Variants in SEC14L6 observed in about 807,000 individuals in gnomAD.
SEC14L6 encodes SEC14-like protein 6.
SEC14L6 carries 40 observed loss-of-function variants against 54.1 expected under a neutral mutation model. The observed-to-expected ratio is 0.74, with a 90% CI of 0.57 to 0.96. The LOEUF (loss-of-function observed/expected upper bound fraction) is 0.96, where lower values mean the gene tolerates loss of function less well. SEC14L6 is among the 40% of genes least tolerant of loss of function. The pLI, the probability that SEC14L6 is intolerant of heterozygous loss-of-function variation, is 0.00. For missense variants in SEC14L6, 471 were observed against 498.3 expected, an observed-to-expected ratio of 0.95 and a Z score of 0.52; for synonymous variants, 171 against 198.4, an observed-to-expected ratio of 0.86 and a Z score of 1.16.
At chr22:30,543,959 C>T (rs1481538729) in intron 1 of SEC14L6, 55 of 1,605,860 alleles carry the variant, frequency 3.4e-5, no homozygotes, top group Non-Finnish European at 4.2e-5. Flanking sequence ...CAGCCTGCGT[C>T]GGAGGACACC....
Position 30,533,978 on chromosome 22 carries a change from G to C in SEC14L6, c.174+18C>G. The stretch of plus-strand genomic sequence containing the variant: ...AGGAAACAGGACCAGGCTAGGCAGG[G>C]GGAGGTGTCAACCTCACCTTCCTCA... On this transcript the variant is annotated intron_variant, in intron 3 of 11. Coordinates refer to ENST00000402034, the MANE Select transcript of SEC14L6 (RefSeq NM_001193336.4). 6.5e-7 allele frequency: 1 copy of C among 1,549,734 alleles called. No individual in the cohort carries two copies. The highest frequency in any genetic ancestry group is 8.7e-7 in the Non-Finnish European group (1 of 1,146,160).
At chr22:30,526,226 G>A (rs114979914) in intron 8 of SEC14L6, among the ~76,000 whole-genome samples, 1,944 of 152,312 alleles carry the variant, frequency 0.013, 32 homozygotes, top group African/African-American at 0.043. Context: ...CATTGGCCAC[G>A]TTCATAGGAA....
chr22:30,532,105 C>A, intron 5 of SEC14L6, 107 bp from the exon 6 acceptor site: 1 of 1,466,344 alleles, frequency 6.8e-7, no homozygotes, highest in South Asian at 1.4e-5. Context: ...TGTCTCAGCT[C>A]TGCATGGCAC....
intron 1 of SEC14L6, among the ~76,000 whole-genome samples, chr22:30,539,935 G>A (rs1193910510): frequency 1.3e-5 from 2 of 152,200 alleles, no homozygotes; most frequent in African/African-American, 4.8e-5. Context: ...ATTGACTGTA[G>A]GCTAAAGCCA....
chr22:30,524,974 G>A lies in SEC14L6; in HGVS notation c.*23C>T, dbSNP rs1202151423. The A allele has an allele frequency of 3.4e-6, 4 of 1,168,788 alleles. No homozygotes were observed. Among genetic ancestry groups the A allele is most frequent in the Non-Finnish European group, 5.0e-6 (4 of 798,400 alleles). 72.4% of individuals were successfully genotyped at this position (1,168,788 alleles called of 1,614,324 possible). On this transcript the variant is annotated 3_prime_UTR_variant, in exon 12 of 12. Transcript: ENST00000402034. ...TGTGGATTCAGAGATCAAAGAGGAG[G>A]GTGTGGGGACCATGAGGTTCACCTA...
At chr22:30,544,172 C>A in intron 1 of SEC14L6, 3 of 954,762 alleles carry the variant, frequency 3.1e-6, no homozygotes, top group Non-Finnish European at 4.7e-6. Context: ...AGCCCAGTTC[C>A]CGGAGGGCTG....
chr22:30,538,868 A>C lies in SEC14L6; in HGVS notation c.89T>G (p.Leu30Arg). The C allele has an allele frequency of 6.4e-7, 1 of 1,556,818 alleles. No homozygotes were observed. Among genetic ancestry groups the C allele is most frequent in the Non-Finnish European group, 8.7e-7 (1 of 1,149,656 alleles). ...GAGGAAGTAGTCATCAGGATTGGGC[A>C]GCGCAGATAGCACATCTTGGATGTT... The part of the protein sequence containing the change: ...RENIQDVLSA[L>R]PNPDDYFLLR... Residue 30 changes from leucine (L) to arginine (R), a missense_variant, in exon 2 of 12, where the codon CTG (leucine) becomes CGG (arginine). By Grantham distance (102) the Leu-to-Arg change is moderately radical. Coordinates refer to ENST00000402034, the MANE Select transcript of SEC14L6 (RefSeq NM_001193336.4).
Position 30,532,920 on chromosome 22 carries a change from G to A in SEC14L6, c.175-64C>T, listed in dbSNP as rs958109824. 3.2e-6 allele frequency: 5 copies of A among 1,581,810 alleles called. No individual in the cohort carries two copies. In the East Asian group the frequency reaches 6.9e-5, roughly 22 times the overall value. Reference sequence around the variant, plus strand: ...GTCCCAAAGACCTCTGTGGATACCTGGGGACACCAGGCCAGGTCCCTCTGC... The same window carrying A: ...GTCCCAAAGACCTCTGTGGATACCTAGGGACACCAGGCCAGGTCCCTCTGC... On this transcript the variant is annotated intron_variant, in intron 3 of 11. Transcript: ENST00000402034.
chr22:30,530,504 G>C (rs958083585), intron 6 of SEC14L6, among the ~76,000 whole-genome samples: 1 of 152,136 alleles, frequency 6.6e-6, no homozygotes, highest in African/African-American at 2.4e-5. Context: ...GGGCTCAAAC[G>C]ATCATCCCAC....
At chr22:30,527,362 C>T (rs981684969) in intron 8 of SEC14L6, among the ~76,000 whole-genome samples, 14 of 151,920 alleles carry the variant, frequency 9.2e-5, no homozygotes, top group Non-Finnish European at 1.5e-4. Context: ...TGTCCAACCT[C>T]ACGAGTAATA....
chr22:30,530,320 G>C (rs1218063395), intron 6 of SEC14L6, among the ~76,000 whole-genome samples: 1 of 152,166 alleles, frequency 6.6e-6, no homozygotes, highest in Non-Finnish European at 1.5e-5. Flanking sequence ...TGAGGCAGGA[G>C]CATCACTTGA....
Position 30,525,086 on chromosome 22 carries a change from A to C in SEC14L6, c.1105T>G (p.Tyr369Asp). The C allele has an allele frequency of 3.9e-6, 6 of 1,549,036 alleles. No homozygotes were observed. Among genetic ancestry groups the C allele is most frequent in the Non-Finnish European group, 5.2e-6 (6 of 1,145,582 alleles). Residue 369 changes from tyrosine to aspartate, a missense_variant, in exon 12 of 12, where the codon TAC (tyrosine) becomes GAC (aspartate). Transcript: ENST00000402034. ...ATGCGTTTAGAATGAACCAGGCTGTAGGTGTTGTAAAACCTCAGGACATCT... is the reference window on the plus strand; with the variant it reads ...ATGCGTTTAGAATGAACCAGGCTGTCGGTGTTGTAAAACCTCAGGACATCT... ...GSYVLRFYNT[Y>D]SLVHSKRISY...
chr22:30,544,633 C>G (rs2085780124), intron 1 of SEC14L6, among the ~76,000 whole-genome samples: 1 of 152,160 alleles, frequency 6.6e-6, no homozygotes. Flanking sequence ...TCCCCCATCC[C>G]TAGGCTAAAG....
At chr22:30,542,910 A>G in intron 1 of SEC14L6, 4 of 1,601,488 alleles carry the variant, frequency 2.5e-6, no homozygotes, top group East Asian at 4.5e-5. Flanking sequence ...ACATCACCCC[A>G]GCAGATGCCG....
rs188963632 is a variant in SEC14L6 at position 30,543,751 on chromosome 22, C to T, written c.54+2878G>A. 44 of 1,573,410 alleles carry T rather than the reference C, an allele frequency of 2.8e-5. No individual in the cohort carries two copies. In the East Asian group the frequency reaches 4.9e-4, roughly 18 times the overall value. On this transcript the variant is annotated intron_variant, in intron 1 of 11. Coordinates refer to ENST00000402034, the MANE Select transcript of SEC14L6 (RefSeq NM_001193336.4). ...ACTGATGGAGGCTCTCTACCTCGTCCGAATCAGACAGAAGAAAGCCCAGGG... is the reference window on the plus strand; with the variant it reads ...ACTGATGGAGGCTCTCTACCTCGTCTGAATCAGACAGAAGAAAGCCCAGGG...
intron 2 of SEC14L6, 68 bp from the exon 3 acceptor site, chr22:30,534,107 C>A: frequency 6.9e-7 from 1 of 1,453,092 alleles, no homozygotes; most frequent in Non-Finnish European, 9.4e-7. Context: ...GGAGAGACAA[C>A]GGCCCTGCCC....
chr22:30,525,231 C>G, intron 11 of SEC14L6, 119 bp downstream of exon 11: 1 of 1,360,560 alleles, frequency 7.3e-7, no homozygotes, highest in South Asian at 1.3e-5. Flanking sequence ...AGCCCAGAGC[C>G]AGCCTCACAC....
rs370202016 is a variant in SEC14L6, at chr22:30,531,892, G to A, written c.519+11C>T. 3.1e-5 allele frequency: 48 copies of A among 1,546,244 alleles called. No homozygotes were observed. Among genetic ancestry groups the A allele is most frequent in the Non-Finnish European group, 3.9e-5 (45 of 1,143,292 alleles). On this transcript the variant is annotated intron_variant, in intron 6 of 11. Coordinates refer to ENST00000402034, the MANE Select transcript of SEC14L6 (RefSeq NM_001193336.4). ...GACCACCCACCCATGCCCCTGGCGG[G>A]GTCACCTCACCTCCTGGAGAAGCTC...
intron 6 of SEC14L6, among the ~76,000 whole-genome samples, chr22:30,531,430 G>GAAAAGA (rs1555881955): frequency 1.4e-5 from 2 of 141,658 alleles, no homozygotes; most frequent in East Asian, 2.1e-4. Flanking sequence ...GAAAAGAAAA[G>GAAAAGA]AAAAAAAAAA....
Sources: gnomAD v4.1 joint callset for allele counts (sites outside exome capture counted in the v4.1 genomes callset) on GRCh38, gnomAD v4.1.1 for gene constraint, MANE v1.5 for transcripts, NCBI Gene and HGNC (gene_info 2026-07-23, HGNC 2026-07-21) for gene names.